BUB1B: variants seen among roughly 807,000 people sequenced by gnomAD.
BUB1B encodes the protein mitotic checkpoint serine/threonine-protein kinase BUB1 beta.
BUB1B carries 86 observed loss-of-function variants against 137.7 expected under a neutral mutation model. The observed-to-expected ratio is 0.62, with a 90% CI of 0.52 to 0.75. The LOEUF (loss-of-function observed/expected upper bound fraction) is 0.75. Among genes scored for constraint, BUB1B ranks in the 30% least tolerant of loss-of-function variants. The pLI, the probability that BUB1B is intolerant of heterozygous loss-of-function variation, is 0.00. For missense variants in BUB1B, 1,130 were observed against 1,236.9 expected (o/e 0.91, Z 1.30); for synonymous variants, 420 against 417.9 (o/e 1.00, Z -0.06).
Position 40,185,586 on chromosome 15 carries a change from C to T in BUB1B, c.1002C>T (p.Pro334=), listed in dbSNP as rs761523924. 1.5e-5 allele frequency: 24 copies of T among 1,614,048 alleles called. No homozygotes were observed. The highest frequency in any genetic ancestry group is 4.5e-5 in the East Asian group (2 of 44,896). ...RGNTASLIAV[P]AVLPSFTPYV... The stretch of plus-strand genomic sequence containing the variant: ...ATACAGCTTCACTGATAGCTGTACC[C>T]GCTGTGCTTCCCAGTTTCACTCCAT... The change falls in exon 8 of 23, where the codon CCC becomes CCT. Residue 334 remains proline, a synonymous_variant. Transcript: ENST00000287598.
chr15:40,196,604 A>G lies in BUB1B; in HGVS notation c.1118A>G (p.Lys373Arg). 1.2e-6 allele frequency: 2 copies of G among 1,614,052 alleles called. No homozygotes were observed. Among genetic ancestry groups the G allele is most frequent in the Non-Finnish European group, 1.7e-6 (2 of 1,179,928 alleles). The change falls in exon 9 of 23, where the codon AAG becomes AGG. Residue 373 changes from lysine to arginine, a missense_variant. Transcript: ENST00000287598. ...NHILSTRKPG[K>R]EEGDPLQRVQ... ...ATCCTAAGCACCAGAAAGCCTGGAA[A>G]GGAAGAAGGAGATCCTCTACAAAGG... is the stretch of plus-strand genomic sequence containing the variant.
intron 2 of BUB1B, among the ~76,000 whole-genome samples, chr15:40,166,747 A>G (rs1279285769): frequency 6.6e-6 from 1 of 152,160 alleles, no homozygotes; most frequent in African/African-American, 2.4e-5. Flanking sequence ...GACATTTTAC[A>G]TTTCTACCAG....
intron 15 of BUB1B, among the ~76,000 whole-genome samples, chr15:40,206,673 G>T (rs1266934452): frequency 2.0e-5 from 3 of 152,198 alleles, no homozygotes; most frequent in Non-Finnish European, 4.4e-5. Context: ...TGATGGTAGA[G>T]AAACTAAGTG....
intron 15 of BUB1B, among the ~76,000 whole-genome samples, 186 bp downstream of exon 15, chr15:40,206,644 G>A (rs1009003760): frequency 2.0e-5 from 3 of 152,196 alleles, no homozygotes; most frequent in Admixed American, 6.5e-5. Flanking sequence ...ATTTGGATGT[G>A]AGGGTTAAAA....
intron 16 of BUB1B, among the ~76,000 whole-genome samples, chr15:40,209,165 A>G (rs1042766976): frequency 6.6e-6 from 1 of 151,970 alleles, no homozygotes; most frequent in Non-Finnish European, 1.5e-5. Context: ...CACGCCTGTA[A>G]TCCCAGCACT....
At chr15:40,182,398 G>A (rs1416485898) in intron 5 of BUB1B, among the ~76,000 whole-genome samples, 1 of 152,080 alleles carries the variant, frequency 6.6e-6, no homozygotes, top group Non-Finnish European at 1.5e-5. Context: ...ATATTCCCTG[G>A]AGAATATCTA....
chr15:40,164,308 A>C (rs1049374902), intron 1 of BUB1B, among the ~76,000 whole-genome samples: 9 of 148,838 alleles, frequency 6.0e-5, no homozygotes, highest in African/African-American at 2.3e-4. Flanking sequence ...GGCTCACTGC[A>C]GCTTCGACCC....
intron 22 of BUB1B, 23 bp downstream of exon 22, chr15:40,218,585 G>A (rs763777889): frequency 2.0e-6 from 3 of 1,515,224 alleles, no homozygotes; most frequent in Admixed American, 1.7e-5. Flanking sequence ...GAATGTCAGG[G>A]TCTCTGCCTG....
chr15:40,169,592 T>C (rs918153154), intron 2 of BUB1B, among the ~76,000 whole-genome samples: 2 of 150,864 alleles, frequency 1.3e-5, no homozygotes, highest in Non-Finnish European at 3.0e-5. Context: ...TTAAGTAGAA[T>C]CTTAATTATT....
At chr15:40,180,257 T>G (rs796772606) in intron 5 of BUB1B, among the ~76,000 whole-genome samples, 4 of 142,412 alleles carry the variant, frequency 2.8e-5, no homozygotes, top group African/African-American at 8.0e-5. Flanking sequence ...GTTTCTTTTT[T>G]TTTTTTTTTT....
intron 8 of BUB1B, among the ~76,000 whole-genome samples, chr15:40,186,619 T>G (rs1451654419): frequency 6.6e-6 from 1 of 151,254 alleles, no homozygotes; most frequent in Non-Finnish European, 1.5e-5. Flanking sequence ...TAATTTTTTT[T>G]TTTTTTTAGT....
At chr15:40,194,779 T>A (rs1175171639) in intron 8 of BUB1B, among the ~76,000 whole-genome samples, 1 of 152,208 alleles carries the variant, frequency 6.6e-6, no homozygotes, top group Admixed American at 6.6e-5. Context: ...TGCTATATTC[T>A]TAACTCTAAT....
rs191736357 is a variant in BUB1B at position 40,210,223 on chromosome 15, C to G, written c.2385+13C>G. On this transcript the variant is annotated intron_variant, in intron 18 of 22. Transcript: ENST00000287598. ...AACAGTAATAAAGGTGGGACTGATTCTTTATAATTTCAGTTACTTTGTAAA... is the reference window on the plus strand; with the variant it reads ...AACAGTAATAAAGGTGGGACTGATTGTTTATAATTTCAGTTACTTTGTAAA... 6.8e-5 allele frequency: 106 copies of G among 1,554,696 alleles called. No homozygotes were observed. The African/African-American group carries it at 1.3e-3, about 19-fold the overall frequency.
intron 1 of BUB1B, among the ~76,000 whole-genome samples, chr15:40,164,235 TG>T (rs915405896): frequency 1.3e-5 from 2 of 151,916 alleles, no homozygotes; most frequent in African/African-American, 4.9e-5. Context: ...CTAATTTTAA[TG>T]TTTTTTTTTT....
chr15:40,208,006 G>C (rs1369798341), intron 15 of BUB1B, among the ~76,000 whole-genome samples: 1 of 150,188 alleles, frequency 6.7e-6, no homozygotes, highest in Admixed American at 6.6e-5. Flanking sequence ...CAACCTTTCA[G>C]CTACTTGGGA....
chr15:40,204,347 A>G (rs964035211), intron 14 of BUB1B, among the ~76,000 whole-genome samples: 1 of 152,160 alleles, frequency 6.6e-6, no homozygotes. Flanking sequence ...ACCACCAGAG[A>G]ACATGATGAA....
chr15:40,207,934 G>A (rs2037657933), intron 15 of BUB1B, among the ~76,000 whole-genome samples: 1 of 149,952 alleles, frequency 6.7e-6, no homozygotes, highest in Non-Finnish European at 1.5e-5. Context: ...CATTTCCTGG[G>A]CTCAAGTGAT....
intron 9 of BUB1B, among the ~76,000 whole-genome samples, chr15:40,198,115 A>T (rs1351046877): frequency 6.6e-6 from 1 of 152,116 alleles, no homozygotes; most frequent in Middle Eastern, 3.2e-3. Context: ...TCTCTGTGGG[A>T]AAAAGAAAAG....
At chr15:40,211,209 A>G (rs916273815) in intron 18 of BUB1B, among the ~76,000 whole-genome samples, 6 of 151,850 alleles carry the variant, frequency 4.0e-5, no homozygotes, top group African/African-American at 7.3e-5. Flanking sequence ...TTTTATTTCT[A>G]TATTTAATTT....
Sources: gnomAD v4.1 joint callset for allele counts (sites outside exome capture counted in the v4.1 genomes callset) on GRCh38, gnomAD v4.1.1 for gene constraint, MANE v1.5 for transcripts, NCBI Gene and HGNC (gene_info 2026-07-23, HGNC 2026-07-21) for gene names.